Variants in CFAP299 observed in about 807,000 individuals in gnomAD.
The protein encoded by CFAP299 is cilia- and flagella-associated protein 299.
A neutral mutation model predicts 27.0 loss-of-function variants in CFAP299; 21 were observed. The observed-to-expected ratio is 0.78, with a 90% CI of 0.55 to 1.12. CFAP299 has a LOEUF of 1.12. CFAP299 is among the 50% of genes most tolerant of loss of function. CFAP299 has a pLI of 0.00. For synonymous variants in CFAP299, 104 were observed against 98.1 expected (o/e 1.06, Z -0.36); for missense variants, 310 against 276.6 (o/e 1.12, Z -0.86).
intron 2 of CFAP299, among the ~76,000 whole-genome samples, chr4:80,415,630 C>T (rs575367150): frequency 6.6e-6 from 1 of 152,068 alleles, no homozygotes; most frequent in Non-Finnish European, 1.5e-5. Flanking sequence ...TATATTTATG[C>T]TATAGACATT....
At chr4:80,554,308 G>A (rs998746569) in intron 2 of CFAP299, among the ~76,000 whole-genome samples, 9 of 152,006 alleles carry the variant, frequency 5.9e-5, no homozygotes, top group African/African-American at 1.7e-4. Context: ...TAGGTGTGTG[G>A]TCTTATTTCT....
chr4:80,345,674 C>T (rs1432152707), intron 1 of CFAP299, among the ~76,000 whole-genome samples: 1 of 152,092 alleles, frequency 6.6e-6, no homozygotes, highest in Non-Finnish European at 1.5e-5. Flanking sequence ...CAGTCTATCA[C>T]TGATGGACAT....
chr4:80,410,009 G>A (rs768249697), intron 2 of CFAP299, among the ~76,000 whole-genome samples: 2 of 152,182 alleles, frequency 1.3e-5, no homozygotes, highest in Non-Finnish European at 2.9e-5. Context: ...TGTAAGGAAT[G>A]GGGACTAGCT....
intron 2 of CFAP299, among the ~76,000 whole-genome samples, chr4:80,537,902 A>G (rs1042462839): frequency 1.3e-5 from 2 of 152,158 alleles, no homozygotes; most frequent in African/African-American, 4.8e-5. Context: ...AAATGTACAT[A>G]TATCAAAACA....
chr4:80,465,745 A>G (rs985786054), intron 2 of CFAP299, among the ~76,000 whole-genome samples: 2 of 152,236 alleles, frequency 1.3e-5, no homozygotes, highest in Non-Finnish European at 2.9e-5. Context: ...ACACACAAAC[A>G]TAAGGAATCA....
At chr4:80,800,472 AATATATT>A (rs1728428177) in intron 3 of CFAP299, among the ~76,000 whole-genome samples, 1 of 7,860 alleles carries the variant, frequency 1.3e-4, no homozygotes, top group Non-Finnish European at 2.9e-4. Context: ...TATAATATAT[AATATATT>A]ATATAATATA....
chr4:80,940,647 C>A (rs1471544818), intron 4 of CFAP299, among the ~76,000 whole-genome samples: 1 of 152,128 alleles, frequency 6.6e-6, no homozygotes, highest in Non-Finnish European at 1.5e-5. Flanking sequence ...TTGCTGATGT[C>A]CCTCTGGCCT....
chr4:80,411,017 T>TA (rs904500529), intron 2 of CFAP299, among the ~76,000 whole-genome samples: 14 of 152,182 alleles, frequency 9.2e-5, no homozygotes, highest in Non-Finnish European at 1.9e-4. Flanking sequence ...AGGTTTTGGG[T>TA]AAAATTCGGT....
chr4:80,744,770 A>G (rs1020885197), intron 3 of CFAP299, among the ~76,000 whole-genome samples: 2 of 152,158 alleles, frequency 1.3e-5, no homozygotes, highest in Non-Finnish European at 1.5e-5. Context: ...AAAGAGTTCT[A>G]TGACTTAAAA....
At chr4:80,820,450 C>G (rs1729642521) in intron 3 of CFAP299, among the ~76,000 whole-genome samples, 1 of 152,010 alleles carries the variant, frequency 6.6e-6, no homozygotes, top group Non-Finnish European at 1.5e-5. Flanking sequence ...AAATATGCAA[C>G]TACAATTTGT....
At chr4:80,714,885 C>A (rs1722388249) in intron 3 of CFAP299, among the ~76,000 whole-genome samples, 1 of 152,030 alleles carries the variant, frequency 6.6e-6, no homozygotes, top group Admixed American at 6.6e-5. Flanking sequence ...AATCATACTT[C>A]CGACATTGAC....
In CFAP299 at chr4:80,493,825, G is replaced by T. The variant is rs1731282469; in HGVS notation, c.243-89268G>T. Among the ~76,000 whole-genome samples the T allele has an allele frequency of 2.3e-5, 3 of 129,190 alleles. No homozygotes were observed. In the Admixed American group the frequency reaches 2.4e-4, roughly 10 times the overall value. The allele number at this position is 129,190 out of a possible 152,430, so 84.8% of individuals were successfully genotyped here. A position where few individuals can be genotyped will look rare whatever the true frequency, so the allele number is the denominator to read the frequency against. Reference sequence around the variant, plus strand: ...GCTCTGTCGCCCAGGCCAGACTGCGGACTGCAGTGGCGCAATCTCGGCTCA... The same window carrying T: ...GCTCTGTCGCCCAGGCCAGACTGCGTACTGCAGTGGCGCAATCTCGGCTCA... On this transcript the variant is annotated intron_variant, in intron 2 of 5. Coordinates refer to ENST00000358105, the MANE Select transcript of CFAP299 (RefSeq NM_152770.3).
Position 80,388,330 on chromosome 4 carries a change from G to A in CFAP299, c.242+25446G>A, listed in dbSNP as rs527778404. The A allele has an allele frequency of 2.1e-4, 147 of 684,156 alleles. No homozygotes were observed. In the African/African-American group the frequency reaches 2.3e-3, roughly 11 times the overall value. 42.4% of individuals were successfully genotyped at this position (684,156 alleles called of 1,614,324 possible). ...CATTGCTTACCAAGATGTTCCCCTGGATCAGTGGGGACAGGGGCACTGTGA... is the reference window on the plus strand; with the variant it reads ...CATTGCTTACCAAGATGTTCCCCTGAATCAGTGGGGACAGGGGCACTGTGA... On this transcript the variant is annotated intron_variant, in intron 2 of 5. Coordinates refer to ENST00000358105, the MANE Select transcript of CFAP299 (RefSeq NM_152770.3).
intron 3 of CFAP299, among the ~76,000 whole-genome samples, chr4:80,833,284 A>G (rs1479954257): frequency 1.3e-5 from 2 of 152,196 alleles, no homozygotes; most frequent in Non-Finnish European, 2.9e-5. Flanking sequence ...TTCTGAGCCC[A>G]GGAATATATT....
intron 3 of CFAP299, among the ~76,000 whole-genome samples, chr4:80,744,122 T>C (rs1371360587): frequency 5.3e-5 from 8 of 152,232 alleles, no homozygotes; most frequent in Admixed American, 5.2e-4. Context: ...AAATTCATGA[T>C]TTTCTATTTT....
chr4:80,458,232 T>TA (rs1371298885), intron 2 of CFAP299, among the ~76,000 whole-genome samples: 8 of 152,288 alleles, frequency 5.3e-5, no homozygotes, highest in Admixed American at 3.9e-4. Context: ...TTAAAACAAA[T>TA]AATTCAAACT....
upstream of CFAP299, among the ~76,000 whole-genome samples, chr4:80,331,771 A>T (rs1410086094): frequency 6.6e-6 from 1 of 152,216 alleles, no homozygotes; most frequent in Non-Finnish European, 1.5e-5. Context: ...CTAGGCAGTT[A>T]GATATGTGAT....
chr4:80,391,955 A>C (rs891852702), intron 2 of CFAP299, among the ~76,000 whole-genome samples: 2 of 152,212 alleles, frequency 1.3e-5, no homozygotes, highest in African/African-American at 4.8e-5. Context: ...CATCAGTGTG[A>C]CATGGAGTCA....
intron 3 of CFAP299, among the ~76,000 whole-genome samples, chr4:80,800,452 TAATATA>T (rs1560418963): frequency 0.04 from 1,745 of 43,692 alleles, 134 homozygotes; most frequent in East Asian, 0.16. Flanking sequence ...ATTGATATAT[TAATATA>T]ATATATAATA....
Sources: gnomAD v4.1 joint callset for allele counts (sites outside exome capture counted in the v4.1 genomes callset) on GRCh38, gnomAD v4.1.1 for gene constraint, MANE v1.5 for transcripts, NCBI Gene and HGNC (gene_info 2026-07-23, HGNC 2026-07-21) for gene names.